F13A1: variants seen among roughly 807,000 people sequenced by gnomAD.
F13A1 encodes the protein coagulation factor XIII A chain, also known as FSF, A subunit.
Under a neutral mutation model 80.1 loss-of-function variants are expected in F13A1, and 47 were observed. The ratio of observed to expected loss-of-function variants is 0.59; its 90% CI spans 0.46 to 0.75. The LOEUF (loss-of-function observed/expected upper bound fraction) is 0.75, where lower values mean the gene tolerates loss of function less well. Ranked by LOEUF, F13A1 falls within the 30% of genes least tolerant of loss-of-function variation. The probability of loss-of-function intolerance (pLI) is 0.00; values close to 1 mark genes in which losing one functional copy is unlikely to be tolerated. For missense variants in F13A1, 817 were observed against 930.4 expected, an observed-to-expected ratio of 0.88 and a Z score of 1.59; for synonymous variants, 349 against 344.9, an observed-to-expected ratio of 1.01 and a Z score of -0.13.
chr6:6,167,053 A>G (rs1025357633), intron 13 of F13A1, among the ~76,000 whole-genome samples: 3 of 152,160 alleles, frequency 2.0e-5, no homozygotes, highest in Non-Finnish European at 4.4e-5. Context: ...TCCATAAACA[A>G]TATTACTGTC....
intron 2 of F13A1, among the ~76,000 whole-genome samples, chr6:6,310,982 A>G (rs897870071): frequency 1.3e-5 from 2 of 152,126 alleles, no homozygotes; most frequent in African/African-American, 2.4e-5. Context: ...GCTTGCTTTG[A>G]ATTTCCACAG....
intron 8 of F13A1, among the ~76,000 whole-genome samples, chr6:6,208,097 A>G (rs1490800677): frequency 6.6e-6 from 1 of 152,250 alleles, no homozygotes; most frequent in Non-Finnish European, 1.5e-5. Flanking sequence ...TTACAAGACA[A>G]AGATCTTAAA....
chr6:6,196,171 A>G (rs977989666), intron 9 of F13A1, among the ~76,000 whole-genome samples: 1 of 152,230 alleles, frequency 6.6e-6, no homozygotes, highest in Admixed American at 6.5e-5. Context: ...GGTGGCTTAC[A>G]CAGCATTTAT....
chr6:6,220,585 G>GTA (rs1178274989), intron 8 of F13A1, among the ~76,000 whole-genome samples: 1 of 151,908 alleles, frequency 6.6e-6, no homozygotes, highest in African/African-American at 2.4e-5. Context: ...GTGTGTGTGT[G>GTA]TCTGTGTGTT....
intron 6 of F13A1, among the ~76,000 whole-genome samples, chr6:6,237,092 T>C (rs1757423516): frequency 6.6e-6 from 1 of 152,162 alleles, no homozygotes; most frequent in Admixed American, 6.6e-5. Context: ...CACCTTTCTT[T>C]AATAATAGCT....
At chr6:6,214,709 A>G (rs1761687977) in intron 8 of F13A1, among the ~76,000 whole-genome samples, 1 of 72,562 alleles carries the variant, frequency 1.4e-5, no homozygotes, top group Non-Finnish European at 2.7e-5. Context: ...TAGAGACACA[A>G]AAAACCCTTC....
intron 6 of F13A1, among the ~76,000 whole-genome samples, chr6:6,231,024 AC>A (rs1457174237): frequency 6.6e-6 from 1 of 151,988 alleles, no homozygotes; most frequent in East Asian, 1.9e-4. Flanking sequence ...GCTCTTCAAC[AC>A]CCCCCAAAAA....
At chr6:6,227,731 A>G (rs568549780) in intron 6 of F13A1, among the ~76,000 whole-genome samples, 58 of 152,172 alleles carry the variant, frequency 3.8e-4, no homozygotes, top group Non-Finnish European at 6.9e-4. Context: ...TGATTTTCAA[A>G]CAGATAGCCA....
chr6:6,170,808 G>A (rs977235551), intron 12 of F13A1, among the ~76,000 whole-genome samples: 4 of 152,166 alleles, frequency 2.6e-5, no homozygotes, highest in African/African-American at 7.2e-5. Flanking sequence ...CTTGATCAAG[G>A]CCTGAAGTTA....
At chr6:6,313,683 T>A (rs897867247) in intron 2 of F13A1, among the ~76,000 whole-genome samples, 1 of 151,622 alleles carries the variant, frequency 6.6e-6, no homozygotes, top group Non-Finnish European at 1.5e-5. Context: ...CTGATTTATT[T>A]AAAAAAAAAC....
At chr6:6,200,548 C>G (rs1761374812) in intron 8 of F13A1, among the ~76,000 whole-genome samples, 2 of 110,382 alleles carry the variant, frequency 1.8e-5, no homozygotes, top group South Asian at 5.7e-4. Flanking sequence ...GAGACCCTGT[C>G]TAAAAAAAAA....
chr6:6,173,690 C>T (rs1446651267), intron 12 of F13A1, among the ~76,000 whole-genome samples: 7 of 152,144 alleles, frequency 4.6e-5, no homozygotes, highest in African/African-American at 1.2e-4. Context: ...TTACAGGAGA[C>T]AGCGTTTTAA....
intron 8 of F13A1, 92 bp from the exon 9 acceptor site, chr6:6,197,418 G>T (rs1203709861): frequency 4.9e-6 from 6 of 1,236,576 alleles, no homozygotes; most frequent in Non-Finnish European, 5.9e-6. Flanking sequence ...AGTGGCTCAT[G>T]CCTGTAATCC....
At chr6:6,316,342 CTGTT>C (rs1758686444) in intron 2 of F13A1, among the ~76,000 whole-genome samples, 1 of 151,302 alleles carries the variant, frequency 6.6e-6, no homozygotes, top group Non-Finnish European at 1.5e-5. Context: ...AAGTGATTGA[CTGTT>C]CGTTCATTCA....
At chr6:6,251,638 C>T (rs529428072) in intron 4 of F13A1, among the ~76,000 whole-genome samples, 2 of 152,230 alleles carry the variant, frequency 1.3e-5, no homozygotes, top group South Asian at 4.1e-4. Flanking sequence ...AGACAGGACC[C>T]TACAAGTGTA....
rs550017680 is a variant in F13A1, at chr6:6,190,980, C to T, written c.1305+4817G>A. 3.4e-3 allele frequency among the ~76,000 whole-genome samples: 514 copies of T among 152,290 alleles called. 1 individual carries two copies. The highest frequency in any genetic ancestry group is 0.012 in the African/African-American group (488 of 41,564). On this transcript the variant is annotated intron_variant, in intron 10 of 14. Coordinates refer to ENST00000264870, the MANE Select transcript of F13A1 (RefSeq NM_000129.4). Reference sequence around the variant, plus strand: ...GCGCAGTATTTGGGTGTGAGTGACCCGATTTTCCAGGTGCCATCCGTCACC... The same window carrying T: ...GCGCAGTATTTGGGTGTGAGTGACCTGATTTTCCAGGTGCCATCCGTCACC...
At chr6:6,273,927 C>T (rs1332808839) in intron 3 of F13A1, among the ~76,000 whole-genome samples, 1 of 152,160 alleles carries the variant, frequency 6.6e-6, no homozygotes, top group East Asian at 1.9e-4. Flanking sequence ...ATCAAAAAGG[C>T]ACAGAAATCA....
rs182628595 is a variant in F13A1, at chr6:6,229,180, A to T, written c.799-4320T>A. The stretch of plus-strand genomic sequence containing the variant: ...AGACAAGAATGATGCAAGTTTGAGC[A>T]TAAATATAGGGAAAAGAAACTGCAT... On this transcript the variant is annotated intron_variant, in intron 6 of 14. Coordinates refer to ENST00000264870, the MANE Select transcript of F13A1 (RefSeq NM_000129.4). Among the ~76,000 whole-genome samples the T allele has an allele frequency of 2.0e-5, 3 of 152,324 alleles. No individual in the cohort carries two copies. The East Asian group carries it at 5.8e-4, about 29-fold the overall frequency.
At chr6:6,245,872 C>T (rs550828521) in intron 6 of F13A1, among the ~76,000 whole-genome samples, 13 of 152,324 alleles carry the variant, frequency 8.5e-5, no homozygotes, top group South Asian at 2.1e-4. Context: ...CCACCTATAC[C>T]GCTGCTCTGG....
Sources: allele counts gnomAD v4.1 joint callset (sites outside exome capture counted in the v4.1 genomes callset), GRCh38; gene constraint gnomAD v4.1.1; transcripts MANE v1.5; gene names NCBI Gene and HGNC (gene_info 2026-07-23, HGNC 2026-07-21).